Variants in ERCC1 observed in about 807,000 individuals in gnomAD.
The protein encoded by ERCC1 is ERCC excision repair 1, endonuclease non-catalytic subunit, also known as DNA excision repair protein ERCC-1.
In ERCC1, 36 loss-of-function variants were observed where a neutral mutation model predicts 37.6. The ratio of observed to expected loss-of-function variants is 0.96; its 90% CI spans 0.73 to 1.26. The LOEUF is 1.26. ERCC1 is among the 50% of genes most tolerant of loss of function. The pLI is 0.00. For synonymous variants in ERCC1, 156 were observed against 162.1 expected (o/e 0.96, Z 0.28); for missense variants, 349 against 376.5 (o/e 0.93, Z 0.60).
Position 45,413,701 on chromosome 19 carries a change from T to G in ERCC1, c.819A>C (p.Leu273Phe). ...CTTTCTGAGGGCCCAGGCCTGGGCA[T>G]AAGGCCAGATCTTCTCTTGATGCGG... ...LIAASREDLA[L>F]CPGLGPQKAR... The change falls in exon 9 of 10, where the codon TTA becomes TTC. Residue 273 changes from leucine to phenylalanine, a missense_variant. By Grantham distance (22) the Leu-to-Phe change is conservative (BLOSUM62 0). Transcript: ENST00000300853. 1.9e-6 allele frequency: 3 copies of G among 1,614,130 alleles called. No homozygotes were observed. The highest frequency in any genetic ancestry group is 2.5e-6 in the Non-Finnish European group (3 of 1,180,040).
chr19:45,427,247 A>G (rs562887564), upstream of ERCC1, among the ~76,000 whole-genome samples: 54 of 152,358 alleles, frequency 3.5e-4, no homozygotes, highest in Admixed American at 2.6e-4. Context: ...TATAGGGGCC[A>G]GGAGAGGTGG....
intron 6 of ERCC1, among the ~76,000 whole-genome samples, chr19:45,415,497 G>A (rs3212972): frequency 0.016 from 2,352 of 148,762 alleles, 67 homozygotes; most frequent in African/African-American, 0.055. Flanking sequence ...TTAGCCGGGC[G>A]TGGTAGCGGG....
intron 1 of ERCC1, among the ~76,000 whole-genome samples, chr19:45,444,850 C>T (rs1966895083): frequency 6.6e-6 from 1 of 152,176 alleles, no homozygotes; most frequent in African/African-American, 2.4e-5. Flanking sequence ...GTTCGAGGGA[C>T]TTCCCCTCTC....
chr19:45,429,810 A>G (rs1300756377), intron 1 of ERCC1, among the ~76,000 whole-genome samples: 1 of 151,982 alleles, frequency 6.6e-6, no homozygotes, highest in Non-Finnish European at 1.5e-5. Context: ...TTTGAGACAG[A>G]GTCTCGCTCT....
At chr19:45,409,874 T>A (rs935643981) in intron 9 of ERCC1, 149 bp from the exon 10 acceptor site, 40 of 395,386 alleles carry the variant, frequency 1.0e-4, no homozygotes, top group African/African-American at 8.4e-4. Context: ...ACAATCTTTT[T>A]AAGTTATTAT....
At chr19:45,411,380 A>G (rs1285721968) in intron 9 of ERCC1, among the ~76,000 whole-genome samples, 2 of 151,968 alleles carry the variant, frequency 1.3e-5, no homozygotes, top group Admixed American at 6.6e-5. Context: ...ACTGTTTTCC[A>G]TAGTGGTTGT....
rs777996059 is a variant in ERCC1 at position 45,414,031 on chromosome 19, T to C, written c.706A>G (p.Thr236Ala). Residue 236 changes from threonine to alanine, a missense_variant, in exon 8 of 10, where the codon ACT (threonine) becomes GCT (alanine). Coordinates refer to ENST00000300853, the MANE Select transcript of ERCC1 (RefSeq NM_001983.4). ...GACTTCACGGTGGTCAGACATTCAG[T>C]CACCTGGAAAGGGTGGAGGCAGGAG... The part of the protein sequence containing the change: ...KLEQDFVSRV[T>A]ECLTTVKSVN... The C allele has an allele frequency of 1.9e-6, 3 of 1,612,648 alleles. No individual in the cohort carries two copies. The Admixed American group carries it at 5.0e-5, about 27-fold the overall frequency.
rs1474724281 is a variant in ERCC1 at position 45,408,801 on chromosome 19, C to A, written c.*874G>T. The A allele has an allele frequency of 5.0e-6, 8 of 1,613,816 alleles. No individual in the cohort carries two copies. Among genetic ancestry groups the A allele is most frequent in the Non-Finnish European group, 6.8e-6 (8 of 1,180,006 alleles). On this transcript the variant is annotated 3_prime_UTR_variant, in exon 10 of 10. Coordinates refer to ENST00000300853, the MANE Select transcript of ERCC1 (RefSeq NM_001983.4). ...AAGCAGGAACAGATTAACACTGAGC[C>A]TCTAGAAGACACAGTCCTGTCCCCG...
In ERCC1 at chr19:45,408,510, T is replaced by C; in HGVS notation, c.*1165A>G. 1 of 1,613,246 alleles carries C rather than the reference T, an allele frequency of 6.2e-7. No homozygotes were observed. Among genetic ancestry groups the C allele is most frequent in the African/African-American group, 1.3e-5 (1 of 74,742 alleles). On this transcript the variant is annotated 3_prime_UTR_variant, in exon 10 of 10. Transcript: ENST00000300853. Reference sequence around the variant, plus strand: ...GGGAAGAAGAAAAAGGAGATGCAGGTGACAGAGGCCCCAGTCACTCAGGAG... The same window carrying C: ...GGGAAGAAGAAAAAGGAGATGCAGGCGACAGAGGCCCCAGTCACTCAGGAG...
intron 9 of ERCC1, 46 bp downstream of exon 9, chr19:45,413,631 C>T (rs2123465789): frequency 1.2e-6 from 2 of 1,614,174 alleles, no homozygotes; most frequent in Non-Finnish European, 1.7e-6. Flanking sequence ...TTATTTGGGG[C>T]TCTCTCCTTC....
At chr19:45,426,818 G>A (rs2123556961), upstream of ERCC1, among the ~76,000 whole-genome samples, 1 of 151,926 alleles carries the variant, frequency 6.6e-6, no homozygotes, top group African/African-American at 2.4e-5. Flanking sequence ...AAATTGGCTG[G>A]GCAAGGTAGC....
At chr19:45,450,800 T>A in intron 1 of ERCC1, 1 of 136,678 alleles carries the variant, frequency 7.3e-6, no homozygotes, top group Non-Finnish European at 1.5e-5. Flanking sequence ...AGAGAGAGAA[T>A]GAACAGTCGG....
At chr19:45,429,625 C>T (rs1974785583) in intron 1 of ERCC1, among the ~76,000 whole-genome samples, 1 of 151,890 alleles carries the variant, frequency 6.6e-6, no homozygotes, top group Non-Finnish European at 1.5e-5. Flanking sequence ...ACTCAGGGAC[C>T]CTGGGTAGTT....
intron 6 of ERCC1, among the ~76,000 whole-genome samples, chr19:45,415,601 A>ACT (rs1382049086): frequency 7.4e-6 from 1 of 134,280 alleles, no homozygotes; most frequent in African/African-American, 2.9e-5. Context: ...ACGCCACTGC[A>ACT]CTCCAGCCTG....
chr19:45,431,086 G>C (rs1019359986), intron 1 of ERCC1, among the ~76,000 whole-genome samples: 1 of 152,050 alleles, frequency 6.6e-6, no homozygotes, highest in Non-Finnish European at 1.5e-5. Context: ...CCAAGTAGCT[G>C]AGACTATAGT....
At position 45,409,653 on chromosome 19, in the gene ERCC1, G is replaced by A. The variant is rs1440085788; in HGVS notation, c.*22C>T. The A allele has an allele frequency of 2.8e-6, 4 of 1,410,422 alleles. No homozygotes were observed. Among genetic ancestry groups the A allele is most frequent in the East Asian group, 2.3e-5 (1 of 43,952 alleles). 87.4% of individuals were successfully genotyped at this position (1,410,422 alleles called of 1,614,324 possible). A position where few individuals can be genotyped will look rare whatever the true frequency, so the allele number is the denominator to read the frequency against. ...AGGACGATTTATTATTACACTGGGG[G>A]TTTCCTTGGCAGCTGGGGTCATCAG... On this transcript the variant is annotated 3_prime_UTR_variant, in exon 10 of 10. Transcript: ENST00000300853.
intron 1 of ERCC1, among the ~76,000 whole-genome samples, chr19:45,431,401 G>A (rs145754452): frequency 6.6e-5 from 10 of 152,228 alleles, no homozygotes; most frequent in South Asian, 4.1e-4. Context: ...CTGGAGGGCC[G>A]GGAGCAGTGG....
Position 45,409,217 on chromosome 19 carries a change from G to C in ERCC1, c.*458C>G. 6.2e-7 allele frequency: 1 copy of C among 1,612,346 alleles called. No individual in the cohort carries two copies. The highest frequency in any genetic ancestry group is 1.1e-5 in the South Asian group (1 of 90,922). The stretch of plus-strand genomic sequence containing the variant: ...GCCGGATGACCTTGAGCCTCAGGCA[G>C]CTCCCACATCCACCAAGAAGAAGAA... On this transcript the variant is annotated 3_prime_UTR_variant, in exon 10 of 10. Coordinates refer to ENST00000300853, the MANE Select transcript of ERCC1 (RefSeq NM_001983.4).
At chr19:45,441,617 C>T (rs57093088) in intron 1 of ERCC1, among the ~76,000 whole-genome samples, 11,845 of 151,800 alleles carry the variant, frequency 0.078, 1,491 homozygotes, top group African/African-American at 0.27. Context: ...TCAAGTGATC[C>T]GCCCACCTCG....
Sources: gnomAD v4.1 joint callset for allele counts (sites outside exome capture counted in the v4.1 genomes callset) on GRCh38, gnomAD v4.1.1 for gene constraint, MANE v1.5 for transcripts, NCBI Gene and HGNC (gene_info 2026-07-23, HGNC 2026-07-21) for gene names.